The following TRAP1 variants were observed in gnomAD, a reference collection of about 807,000 sequenced individuals.
TRAP1 encodes the protein TNF receptor associated protein 1.
TRAP1 carries 102 observed loss-of-function variants against 89.1 expected under a neutral mutation model. The observed-to-expected ratio is 1.15, with a 90% confidence interval of 0.98 to 1.35. TRAP1 has a LOEUF of 1.35. Ranked by LOEUF, TRAP1 falls within the 40% of genes most tolerant of loss-of-function variation. The pLI is 0.00. For synonymous variants in TRAP1, 508 were observed against 388.0 expected (o/e 1.31, Z -3.64); for missense variants, 1,256 against 945.3 (o/e 1.33, Z -4.31).
intron 11 of TRAP1, among the ~76,000 whole-genome samples, 166 bp downstream of exon 11, chr16:3,671,556 C>T (rs769167844): frequency 1.1e-4 from 17 of 152,214 alleles, no homozygotes; most frequent in Non-Finnish European, 2.4e-4. Context: ...CTTCAGAGGC[C>T]AGGCCAGCAC....
intron 3 of TRAP1, among the ~76,000 whole-genome samples, chr16:3,688,136 T>A (rs566849227): frequency 6.6e-6 from 1 of 152,088 alleles, no homozygotes; most frequent in Non-Finnish European, 1.5e-5. Context: ...CATCTTTCTT[T>A]TTCCTTGTCC....
chr16:3,691,335 G>A (rs1567238113), intron 1 of TRAP1, among the ~76,000 whole-genome samples: 2 of 152,286 alleles, frequency 1.3e-5, no homozygotes, highest in Middle Eastern at 3.4e-3. Flanking sequence ...TCCTGCCTCC[G>A]CCTCACGAGT....
chr16:3,709,077 A>G (rs958228982), intron 1 of TRAP1, among the ~76,000 whole-genome samples: 2 of 151,790 alleles, frequency 1.3e-5, no homozygotes, highest in Admixed American at 1.3e-4. Flanking sequence ...GGCCTCCCAC[A>G]GTGCTGGGAT....
intron 1 of TRAP1, among the ~76,000 whole-genome samples, chr16:3,705,350 T>C (rs1185613568): frequency 6.6e-6 from 1 of 152,130 alleles, no homozygotes; most frequent in Non-Finnish European, 1.5e-5. Flanking sequence ...ATTACAGGCA[T>C]GAGCCACCAT....
intron 5 of TRAP1, among the ~76,000 whole-genome samples, chr16:3,679,310 G>GA (rs369607276): frequency 1.3e-5 from 2 of 150,732 alleles, no homozygotes; most frequent in Admixed American, 6.6e-5. Context: ...AAAATACTCA[G>GA]AAAAAAAATA....
chr16:3,662,466 C>T (rs1157596418), intron 15 of TRAP1: 7 of 525,456 alleles, frequency 1.3e-5, no homozygotes, highest in Admixed American at 9.4e-5. Context: ...ACGCTCATTT[C>T]TCACTCTGAG....
Position 3,665,722 on chromosome 16 carries a change from C to A in TRAP1, c.1383+249G>T, listed in dbSNP as rs539551150. Among the ~76,000 whole-genome samples, 163 of 152,336 alleles carry A rather than the reference C, an allele frequency of 1.1e-3. 2 individuals are homozygous for A. Among genetic ancestry groups the A allele is most frequent in the African/African-American group, 3.8e-3 (160 of 41,578 alleles). ...TCTTCCTGCCACTCCCTGGGCTGCA[C>A]CTTCACACAGCAGTGAGGCTGAGCC... On this transcript the variant is annotated intron_variant, in intron 12 of 17. Transcript: ENST00000246957.
At chr16:3,701,430 G>C (rs530832505) in intron 1 of TRAP1, among the ~76,000 whole-genome samples, 2 of 152,112 alleles carry the variant, frequency 1.3e-5, no homozygotes, top group African/African-American at 4.8e-5. Flanking sequence ...GCTCACGCCT[G>C]TAATCCCAGC....
At position 3,664,702 on chromosome 16, in the gene TRAP1, C is replaced by T; in HGVS notation, c.1384-243G>A. On this transcript the variant is annotated intron_variant, in intron 12 of 17. Transcript: ENST00000246957. ...TGCCCCAGGTGGCCCAGGGGCTCTC[C>T]AGGGAGCTACGCGCACCACGCCCTG... 3 of 501,572 alleles carry T rather than the reference C, an allele frequency of 6.0e-6. No homozygotes were observed. In the South Asian group the frequency reaches 7.7e-5, roughly 13 times the overall value. The allele number at this position is 501,572 out of a possible 1,614,324, so 31.1% of individuals were successfully genotyped here.
At chr16:3,706,620 C>A (rs895612297) in intron 1 of TRAP1, among the ~76,000 whole-genome samples, 2 of 151,932 alleles carry the variant, frequency 1.3e-5, no homozygotes, top group African/African-American at 4.8e-5. Context: ...CCACCACACC[C>A]AGCAATTTTT....
At chr16:3,687,126 G>A (rs1476584182) in intron 3 of TRAP1, 1 of 152,188 alleles carries the variant, frequency 6.6e-6, no homozygotes, top group Non-Finnish European at 1.5e-5. Context: ...ATTCCCACGT[G>A]TTGTGGGAAG....
intron 15 of TRAP1, chr16:3,662,638 T>TTTTTCAG (rs1169725099): frequency 2.7e-4 from 183 of 671,400 alleles, no homozygotes; most frequent in Non-Finnish European, 3.6e-5. Context: ...AGGATGCTGG[T>TTTTTCAG]TTTTCAGTTC....
At chr16:3,674,789 C>T (rs969835591) in intron 8 of TRAP1, 6 of 469,808 alleles carry the variant, frequency 1.3e-5, no homozygotes, top group African/African-American at 9.8e-5. Context: ...GGCGAGCTGA[C>T]GAATACAGTG....
At chr16:3,715,324 G>C (rs1421909501) in intron 1 of TRAP1, among the ~76,000 whole-genome samples, 1 of 152,056 alleles carries the variant, frequency 6.6e-6, no homozygotes, top group African/African-American at 2.4e-5. Flanking sequence ...TAAAGTCCCA[G>C]CTACTCGGGA....
intron 3 of TRAP1, among the ~76,000 whole-genome samples, chr16:3,687,908 T>C (rs1227470016): frequency 1.6e-5 from 2 of 124,238 alleles, no homozygotes; most frequent in Non-Finnish European, 3.4e-5. Context: ...AATAGAAAAA[T>C]TAAGTCCGCA....
chr16:3,692,219 T>A (rs186973709), intron 1 of TRAP1, among the ~76,000 whole-genome samples: 1 of 152,184 alleles, frequency 6.6e-6, no homozygotes, highest in East Asian at 1.9e-4. Flanking sequence ...CAACAGAATA[T>A]CCAGGAATCA....
chr16:3,675,021 G>A (rs2050969692), intron 8 of TRAP1: 1 of 397,546 alleles, frequency 2.5e-6, no homozygotes. Context: ...TTGATGCGGG[G>A]TGGCTGCACA....
At chr16:3,716,592 T>A (rs2051600496) in intron 1 of TRAP1, among the ~76,000 whole-genome samples, 1 of 151,840 alleles carries the variant, frequency 6.6e-6, no homozygotes, top group Non-Finnish European at 1.5e-5. Context: ...TTTTCTGAAG[T>A]ACAACGTAGC....
intron 1 of TRAP1, among the ~76,000 whole-genome samples, chr16:3,697,924 G>A (rs1321339690): frequency 6.6e-6 from 1 of 151,660 alleles, no homozygotes; most frequent in African/African-American, 2.4e-5. Context: ...AAGTAGCTGG[G>A]ATTGCAGGTG....
Sources: gnomAD v4.1 joint callset for allele counts (sites outside exome capture counted in the v4.1 genomes callset) on GRCh38, gnomAD v4.1.1 for gene constraint, MANE v1.5 for transcripts, NCBI Gene and HGNC (gene_info 2026-07-23, HGNC 2026-07-21) for gene names.